The following SYT1 variants were observed in gnomAD, a reference collection of about 807,000 sequenced individuals.
SYT1 encodes synaptotagmin 1.
SYT1 carries 8 observed loss-of-function variants against 44.8 expected under a neutral mutation model. The ratio of observed to expected loss-of-function variants is 0.18; its 90% CI spans 0.10 to 0.32. The LOEUF is 0.32. SYT1 is among the 10% of genes least tolerant of loss of function. The pLI is 1.00. For missense variants in SYT1, 286 were observed against 509.3 expected (o/e 0.56, Z 4.22); for synonymous variants, 154 against 188.8 (o/e 0.82, Z 1.51).
At chr12:78,917,892 T>C (rs2137151289) in intron 1 of SYT1, among the ~76,000 whole-genome samples, 1 of 152,204 alleles carries the variant, frequency 6.6e-6, no homozygotes, top group East Asian at 1.9e-4. Context: ...TCAGGAATTC[T>C]AAAAGTCATA....
chr12:78,966,104 A>G (rs2137364387), intron 1 of SYT1, among the ~76,000 whole-genome samples: 2 of 152,022 alleles, frequency 1.3e-5, no homozygotes, highest in South Asian at 4.2e-4. Flanking sequence ...ATTATTGAAT[A>G]AACGAATATA....
intron 1 of SYT1, among the ~76,000 whole-genome samples, chr12:78,974,839 C>T (rs1182802842): frequency 6.6e-6 from 1 of 152,042 alleles, no homozygotes; most frequent in East Asian, 1.9e-4. Flanking sequence ...TTCATTCCTG[C>T]CTCCACCTCA....
intron 3 of SYT1, among the ~76,000 whole-genome samples, chr12:79,055,326 C>T (rs1248603786): frequency 1.3e-5 from 2 of 151,896 alleles, no homozygotes; most frequent in Non-Finnish European, 2.9e-5. Flanking sequence ...AAAACATTAT[C>T]TTTCATGACT....
chr12:78,909,183 G>A (rs1202646181), intron 1 of SYT1, among the ~76,000 whole-genome samples: 1 of 151,608 alleles, frequency 6.6e-6, no homozygotes, highest in Non-Finnish European at 1.5e-5. Context: ...TTAACTTATT[G>A]TAAATATTTC....
chr12:78,954,540 GAGAA>G (rs1366521504), intron 1 of SYT1, among the ~76,000 whole-genome samples: 1 of 151,942 alleles, frequency 6.6e-6, no homozygotes, highest in African/African-American at 2.4e-5. Flanking sequence ...GAGAGAGAGA[GAGAA>G]AGAGAGAAAG....
chr12:79,006,895 T>G (rs995922135), intron 2 of SYT1, among the ~76,000 whole-genome samples: 3 of 152,160 alleles, frequency 2.0e-5, no homozygotes, highest in African/African-American at 7.2e-5. Flanking sequence ...GCATTGATTA[T>G]TGACTTTGGT....
rs1473850138 is a variant in SYT1 at position 79,449,698 on chromosome 12, G to T, written c.*574G>T. On this transcript the variant is annotated 3_prime_UTR_variant, in exon 11 of 11. Coordinates refer to ENST00000261205, the MANE Select transcript of SYT1 (RefSeq NM_005639.3). ...CAAGATAAACTTACACCACATACTT[G>T]GTGGGTGAATCCAATTTTGTAGAAT... The T allele has an allele frequency of 2.6e-5, 4 of 152,400 alleles. No homozygotes were observed. In the East Asian group the frequency reaches 7.7e-4, roughly 29 times the overall value. 9.4% of individuals were successfully genotyped at this position (152,400 alleles called of 1,614,324 possible). A position where few individuals can be genotyped will look rare whatever the true frequency, so the allele number is the denominator to read the frequency against.
intron 2 of SYT1, among the ~76,000 whole-genome samples, chr12:79,030,228 G>A (rs1033197): frequency 0.083 from 12,467 of 150,944 alleles, 619 homozygotes; most frequent in African/African-American, 0.13. Flanking sequence ...CTGTTCTCAT[G>A]AGAAACCTGA....
intron 3 of SYT1, among the ~76,000 whole-genome samples, chr12:79,171,505 T>C (rs1592815391): frequency 1.3e-5 from 2 of 152,152 alleles, no homozygotes; most frequent in Non-Finnish European, 2.9e-5. Flanking sequence ...TAAATAACTA[T>C]AGAAGAGGAA....
intron 3 of SYT1, among the ~76,000 whole-genome samples, chr12:79,165,266 G>GA (rs1419828392): frequency 1.3e-4 from 20 of 151,836 alleles, no homozygotes; most frequent in Admixed American, 1.2e-3. Flanking sequence ...TGAACAGTTA[G>GA]AAAAAATCTC....
At chr12:79,381,506 T>G (rs1884221716) in intron 9 of SYT1, among the ~76,000 whole-genome samples, 1 of 152,076 alleles carries the variant, frequency 6.6e-6, no homozygotes, top group Non-Finnish European at 1.5e-5. Context: ...GAGCAGGGGG[T>G]TTGAAGGATT....
At chr12:79,074,720 G>A (rs1299649290) in intron 3 of SYT1, among the ~76,000 whole-genome samples, 1 of 152,058 alleles carries the variant, frequency 6.6e-6, no homozygotes, top group Non-Finnish European at 1.5e-5. Context: ...TCTTGACACA[G>A]GCCAAGGTTT....
intron 1 of SYT1, among the ~76,000 whole-genome samples, chr12:78,871,874 A>G (rs1873839635): frequency 6.6e-6 from 1 of 151,918 alleles, no homozygotes; most frequent in African/African-American, 2.4e-5. Context: ...GACCTCTTCT[A>G]TAAATAGCAT....
In SYT1 at chr12:78,977,779, A is replaced by G. The variant is rs1426845491; in HGVS notation, c.-216-20A>G. ...GCAGGCTAGCATTTTCACAGATTCT[A>G]TTATTCTCTCTCTCTCAAGGGAAAA... is the stretch of plus-strand genomic sequence containing the variant. On this transcript the variant is annotated intron_variant, in intron 1 of 10. Transcript: ENST00000261205. 2 of 152,328 alleles carry G rather than the reference A, an allele frequency of 1.3e-5. No individual in the cohort carries two copies. The highest frequency in any genetic ancestry group is 3.9e-4 in the East Asian group (2 of 5,166). The allele number at this position is 152,328 out of a possible 1,614,324, so 9.4% of individuals were successfully genotyped here.
chr12:78,885,842 G>T (rs1306485397), intron 1 of SYT1, among the ~76,000 whole-genome samples: 1 of 151,960 alleles, frequency 6.6e-6, no homozygotes, highest in Non-Finnish European at 1.5e-5. Flanking sequence ...AAATATTCTT[G>T]CTAGAATAGA....
chr12:78,883,526 A>C (rs1874577235), intron 1 of SYT1, among the ~76,000 whole-genome samples: 1 of 151,668 alleles, frequency 6.6e-6, no homozygotes, highest in African/African-American at 2.4e-5. Flanking sequence ...GTTTCCCTAG[A>C]TTAAATCACC....
chr12:79,194,248 A>C (rs1248401511), intron 3 of SYT1, among the ~76,000 whole-genome samples: 1 of 152,136 alleles, frequency 6.6e-6, no homozygotes, highest in Admixed American at 6.5e-5. Context: ...AATAGGCTTG[A>C]TTTAAGAGCC....
chr12:79,312,415 T>C (rs771840627), intron 8 of SYT1, among the ~76,000 whole-genome samples: 1 of 152,220 alleles, frequency 6.6e-6, no homozygotes, highest in Non-Finnish European at 1.5e-5. Context: ...GTTCTTCCAT[T>C]TGAAAAATGT....
rs761258467 is a variant in SYT1 at position 79,005,284 on chromosome 12, C to T, written c.-84+27353C>T. ...ATGTTTTTCATGATAATATTTTATT[C>T]ATATCATGAAATTCAATTATATAAA... On this transcript the variant is annotated intron_variant, in intron 2 of 10. Transcript: ENST00000261205. Among the ~76,000 whole-genome samples the T allele has an allele frequency of 3.2e-4, 48 of 151,824 alleles. 1 individual carries two copies. The highest frequency in any genetic ancestry group is 4.9e-4 in the Non-Finnish European group (33 of 67,916).
Sources: allele counts gnomAD v4.1 joint callset (sites outside exome capture counted in the v4.1 genomes callset), GRCh38; gene constraint gnomAD v4.1.1; transcripts MANE v1.5; gene names NCBI Gene and HGNC (gene_info 2026-07-23, HGNC 2026-07-21).